Variants in DHRSX observed in about 807,000 individuals in gnomAD.
The protein encoded by DHRSX is polyprenol dehydrogenase.
In DHRSX, 31 loss-of-function variants were observed where a neutral mutation model predicts 34.0. That is an observed-to-expected ratio of 0.91 (90% confidence interval 0.69 to 1.23). DHRSX has a LOEUF of 1.23. DHRSX is among the 50% of genes most tolerant of loss of function. The pLI is 0.00. For missense variants in DHRSX, 414 were observed against 428.1 expected, an observed-to-expected ratio of 0.97 and a Z score of 0.29; for synonymous variants, 201 against 183.8, an observed-to-expected ratio of 1.09 and a Z score of -0.76.
chrX:2,263,512 CT>C (rs775187535), intron 5 of DHRSX, among the ~76,000 whole-genome samples: 23,672 of 130,290 alleles, frequency 0.18, 1,625 homozygotes, highest in African/African-American at 0.22. Flanking sequence ...ATTTTTCTTT[CT>C]TTTTTTTTTT....
chrX:2,265,519 T>C (rs1248692102), intron 5 of DHRSX, among the ~76,000 whole-genome samples: 7 of 98,780 alleles, frequency 7.1e-5, no homozygotes, highest in South Asian at 4.0e-4. Flanking sequence ...AGCACCAGTG[T>C]CCAGCAGATG....
chrX:2,486,336 T>C (rs1174419949), intron 1 of DHRSX: 1 of 151,866 alleles, frequency 6.6e-6, no homozygotes, highest in Non-Finnish European at 1.5e-5. Context: ...AAAATAAAAA[T>C]AATAATAATG....
At chrX:2,419,334 C>T (rs1253948483) in intron 2 of DHRSX, among the ~76,000 whole-genome samples, 3 of 152,132 alleles carry the variant, frequency 2.0e-5, no homozygotes, top group Admixed American at 2.0e-4. Context: ...CACACTGACC[C>T]CCTGGTCTTG....
intron 1 of DHRSX, chrX:2,489,758 T>C: frequency 6.2e-7 from 1 of 1,613,340 alleles, no homozygotes; most frequent in Non-Finnish European, 8.5e-7. Flanking sequence ...CTGCTGGAAG[T>C]ACTCCACCAG....
rs761854599 is a variant in DHRSX, at chrX:2,443,965, C to CA, written c.110-18662_110-18661insT. Among the ~76,000 whole-genome samples, 18 of 151,212 alleles carry CA rather than the reference C, an allele frequency of 1.2e-4. No homozygotes were observed. In the South Asian group the frequency reaches 1.9e-3, roughly 16 times the overall value. On this transcript the variant is annotated intron_variant, in intron 1 of 6. Coordinates refer to ENST00000334651, the MANE Select transcript of DHRSX (RefSeq NM_145177.3). ...AGCTTGCAGTGAGCTGAGATCACAC[C>CA]CTGCACTCCAGCCTGGGCGACAGAG...
chrX:2,221,317 C>A, intron 6 of DHRSX, 88 bp from the exon 7 acceptor site: 1 of 1,359,722 alleles, frequency 7.4e-7, no homozygotes, highest in Non-Finnish European at 1.0e-6. Flanking sequence ...GCTGCAGGGA[C>A]AGGTGGAATA....
chrX:2,463,128 C>T (rs2044425894), intron 1 of DHRSX, among the ~76,000 whole-genome samples: 1 of 152,136 alleles, frequency 6.6e-6, no homozygotes, highest in Non-Finnish European at 1.5e-5. Context: ...AACCTCCAGC[C>T]TTCAGAACTG....
At chrX:2,313,802 G>T (rs2042193142) in intron 3 of DHRSX, among the ~76,000 whole-genome samples, 1 of 152,104 alleles carries the variant, frequency 6.6e-6, no homozygotes, top group Non-Finnish European at 1.5e-5. Context: ...CCAGGTGGTC[G>T]GGGTGCAGCT....
intron 3 of DHRSX, among the ~76,000 whole-genome samples, chrX:2,298,618 A>ACACGCACGCG (rs2041969532): frequency 7.4e-6 from 1 of 135,364 alleles, no homozygotes; most frequent in African/African-American, 3.8e-5. Context: ...ACACACACAC[A>ACACGCACGCG]CACACACACA....
At chrX:2,297,648 G>A (rs1285653272) in intron 3 of DHRSX, among the ~76,000 whole-genome samples, 5 of 152,122 alleles carry the variant, frequency 3.3e-5, no homozygotes, top group Non-Finnish European at 7.3e-5. Context: ...TATAGAGACA[G>A]GGGTCTCTCT....
In DHRSX at chrX:2,223,487, G is replaced by A. The variant is rs771756709; in HGVS notation, c.805-2258C>T. 1.8e-4 allele frequency among the ~76,000 whole-genome samples: 28 copies of A among 152,230 alleles called. No individual in the cohort carries two copies. The East Asian group carries it at 4.1e-3, about 22-fold the overall frequency. On this transcript the variant is annotated intron_variant, in intron 6 of 6. Coordinates refer to ENST00000334651, the MANE Select transcript of DHRSX (RefSeq NM_145177.3). The stretch of plus-strand genomic sequence containing the variant: ...GAGAGACTGTATCTGAAAACATCTC[G>A]GGGGCGGATGCAGGCGCCATGGCTT...
intron 1 of DHRSX, among the ~76,000 whole-genome samples, chrX:2,447,448 A>G (rs1031006347): frequency 6.6e-6 from 1 of 152,212 alleles, no homozygotes; most frequent in African/African-American, 2.4e-5. Flanking sequence ...GTACACAGTA[A>G]AGACATTCCC....
rs139785132 is a variant in DHRSX, at chrX:2,490,096, G to A, written c.109+10721C>T. On this transcript the variant is annotated intron_variant, in intron 1 of 6. Transcript: ENST00000334651. ...AGTGGGCGGCCAGCGTGACGTAGGC[G>A]CGGTTCTGATTCTCACTCCTCCACA... is the stretch of plus-strand genomic sequence containing the variant. 1.1e-4 allele frequency: 180 copies of A among 1,613,852 alleles called. No homozygotes were observed. In the African/African-American group the frequency reaches 1.6e-3, roughly 14 times the overall value.
Position 2,266,944 on chromosome X carries a change from C to T in DHRSX, c.392G>A (p.Gly131Glu). 6.2e-7 allele frequency: 1 copy of T among 1,613,918 alleles called. No homozygotes were observed. The highest frequency in any genetic ancestry group is 1.3e-5 in the African/African-American group (1 of 75,042). ...TTTCCTCTGAGGGACCATCATCACC[C>T]CAGCTGGACAAAAGAGAATATCAGA... Reference protein sequence around the residue: ...IPLHVLINNAGVMMVPQRKTR... With the variant: ...IPLHVLINNAEVMMVPQRKTR... The change falls in exon 5 of 7, where the codon GGG becomes GAG. Residue 131 changes from glycine (G) to glutamate (E), a missense_variant. Gly to Glu is a moderately conservative substitution (Grantham distance 98). Transcript: ENST00000334651.
chrX:2,367,445 A>G (rs2043007300), intron 3 of DHRSX, among the ~76,000 whole-genome samples: 1 of 152,030 alleles, frequency 6.6e-6, no homozygotes, highest in Admixed American at 6.6e-5. Flanking sequence ...CAAAAAAAAA[A>G]AGAAAAAAGA....
chrX:2,240,569 G>C (rs187927185), intron 6 of DHRSX, among the ~76,000 whole-genome samples: 1 of 151,894 alleles, frequency 6.6e-6, no homozygotes, highest in East Asian at 2.0e-4. Flanking sequence ...GGGAAAAGCT[G>C]TCTAAACTGA....
At chrX:2,382,574 C>T (rs1603030679) in intron 3 of DHRSX, among the ~76,000 whole-genome samples, 7 of 109,230 alleles carry the variant, frequency 6.4e-5, no homozygotes, top group African/African-American at 2.3e-4. Flanking sequence ...TCATCATCAT[C>T]ACCATCACCA....
chrX:2,304,273 A>G (rs866326913), intron 3 of DHRSX, among the ~76,000 whole-genome samples: 6 of 118,752 alleles, frequency 5.1e-5, no homozygotes, highest in African/African-American at 1.3e-4. Context: ...GGGTGGGTGG[A>G]TGGATGGGTG....
At chrX:2,330,115 A>C (rs867983246) in intron 3 of DHRSX, among the ~76,000 whole-genome samples, 1,183 of 102,642 alleles carry the variant, frequency 0.012, 56 homozygotes, top group African/African-American at 0.039. Context: ...AGAGAGAGAG[A>C]GAGAGAGACA....
Sources: gnomAD v4.1 joint callset for allele counts (sites outside exome capture counted in the v4.1 genomes callset) on GRCh38, gnomAD v4.1.1 for gene constraint, MANE v1.5 for transcripts, NCBI Gene and HGNC (gene_info 2026-07-23, HGNC 2026-07-21) for gene names.